Variants in SEMA3A observed in about 807,000 individuals in gnomAD.
SEMA3A encodes the protein semaphorin 3A.
Under a neutral mutation model 97.9 loss-of-function variants are expected in SEMA3A, and 29 were observed. That is an observed-to-expected ratio of 0.30 (90% CI 0.22 to 0.40). SEMA3A has a LOEUF of 0.40. Ranked by LOEUF, SEMA3A falls within the 10% of genes least tolerant of loss-of-function variation. SEMA3A has a pLI of 1.00. For missense variants in SEMA3A, 763 were observed against 951.3 expected (o/e 0.80, Z 2.60); for synonymous variants, 321 against 323.7 (o/e 0.99, Z 0.09).
Position 84,072,338 on chromosome 7 carries a change from A to T in SEMA3A, c.454-11780T>A, listed in dbSNP as rs138280140. On this transcript the variant is annotated intron_variant, in intron 4 of 16. Transcript: ENST00000265362. ...AAATTATCAACTTATTTCTTTGTGG[A>T]ACATAAACTTATTTCTGATTAATGT... is the stretch of plus-strand genomic sequence containing the variant. Among the ~76,000 whole-genome samples, 410 of 152,122 alleles carry T rather than the reference A, an allele frequency of 2.7e-3. 2 individuals are homozygous for T. The highest frequency in any genetic ancestry group is 9.3e-3 in the African/African-American group (387 of 41,502).
intron 4 of SEMA3A, among the ~76,000 whole-genome samples, chr7:84,061,771 TTC>T (rs2091373327): frequency 1.3e-5 from 2 of 152,184 alleles, no homozygotes; most frequent in African/African-American, 4.8e-5. Flanking sequence ...ATTCCAAGTG[TTC>T]TGTTTTTACT....
intron 1 of SEMA3A, among the ~76,000 whole-genome samples, chr7:84,434,454 T>C (rs1298147401): frequency 6.6e-6 from 1 of 152,106 alleles, no homozygotes; most frequent in Non-Finnish European, 1.5e-5. Context: ...CTGGCACCAA[T>C]TCTACTGAAA....
At chr7:84,099,591 T>A (rs1794892085) in intron 4 of SEMA3A, among the ~76,000 whole-genome samples, 3 of 152,124 alleles carry the variant, frequency 2.0e-5, no homozygotes, top group Non-Finnish European at 2.9e-5. Context: ...AAATTAAATG[T>A]GCATGAACCA....
intron 3 of SEMA3A, among the ~76,000 whole-genome samples, chr7:84,251,262 G>T (rs988172211): frequency 1.3e-5 from 2 of 152,172 alleles, no homozygotes; most frequent in Non-Finnish European, 2.9e-5. Context: ...AATGAAAAAT[G>T]TCATTTGTTG....
At chr7:84,429,180 T>G (rs1454632264) in intron 1 of SEMA3A, among the ~76,000 whole-genome samples, 1 of 151,982 alleles carries the variant, frequency 6.6e-6, no homozygotes, top group African/African-American at 2.4e-5. Context: ...TCTACTTTAT[T>G]TATGCCTACA....
At chr7:84,459,404 G>C (rs2527538) in intron 1 of SEMA3A, among the ~76,000 whole-genome samples, 21,623 of 152,064 alleles carry the variant, frequency 0.14, 3,151 homozygotes, top group African/African-American at 0.36. Context: ...AAGTAGTAAC[G>C]ATGAGTTGCA....
At chr7:84,438,474 A>C (rs1355237901) in intron 1 of SEMA3A, among the ~76,000 whole-genome samples, 1 of 152,138 alleles carries the variant, frequency 6.6e-6, no homozygotes, top group African/African-American at 2.4e-5. Context: ...TGGTAGTTAC[A>C]TAGCTAAATT....
chr7:84,065,067 A>G (rs1283894627), intron 4 of SEMA3A, among the ~76,000 whole-genome samples: 2 of 148,544 alleles, frequency 1.3e-5, no homozygotes, highest in Non-Finnish European at 3.0e-5. Context: ...ATAACAAACT[A>G]TCTCTCAGAC....
intron 2 of SEMA3A, among the ~76,000 whole-genome samples, chr7:84,369,657 C>T (rs868273489): frequency 6.6e-6 from 1 of 150,434 alleles, no homozygotes; most frequent in South Asian, 2.1e-4. Flanking sequence ...ATTAGTTGAG[C>T]ATCTAGTATA....
At position 84,120,290 on chromosome 7, in the gene SEMA3A, A is replaced by G. The variant is rs866597463; in HGVS notation, c.333+8833T>C. Among the ~76,000 whole-genome samples the G allele has an allele frequency of 1.6e-4, 25 of 152,280 alleles. 1 individual carries two copies. The highest frequency in any genetic ancestry group is 6.0e-4 in the African/African-American group (25 of 41,590). ...ACTACCTAATTTCTGAAATAAACTT[A>G]ATGACAAAGTTTTATTTGCCATGTA... On this transcript the variant is annotated intron_variant, in intron 3 of 16. Transcript: ENST00000265362.
chr7:84,013,810 A>G (rs2116419927), intron 7 of SEMA3A, among the ~76,000 whole-genome samples: 1 of 152,276 alleles, frequency 6.6e-6, no homozygotes, highest in African/African-American at 2.4e-5. Context: ...TTGCATCACT[A>G]CACTCCAGCC....
intron 3 of SEMA3A, among the ~76,000 whole-genome samples, chr7:84,273,898 G>T (rs890414074): frequency 2.0e-5 from 3 of 151,554 alleles, no homozygotes; most frequent in Non-Finnish European, 4.4e-5. Context: ...CAAATGATTT[G>T]TCTGTCTCAT....
chr7:84,467,446 T>C (rs554808060), intron 1 of SEMA3A, among the ~76,000 whole-genome samples: 31 of 148,160 alleles, frequency 2.1e-4, no homozygotes, highest in African/African-American at 7.7e-4. Flanking sequence ...TGCTTGAACC[T>C]GGGAGATGGA....
intron 4 of SEMA3A, among the ~76,000 whole-genome samples, chr7:84,063,887 A>T (rs9801057): frequency 2.0e-5 from 3 of 148,524 alleles, no homozygotes; most frequent in African/African-American, 5.1e-5. Context: ...TAGCAAGGCA[A>T]GCCAACATTG....
chr7:84,100,334 G>C (rs189558607), intron 4 of SEMA3A, among the ~76,000 whole-genome samples: 3 of 152,194 alleles, frequency 2.0e-5, no homozygotes, highest in East Asian at 1.9e-4. Flanking sequence ...CTATTGTATG[G>C]TGCTGGAATG....
In SEMA3A at chr7:83,993,836, A is replaced by G. The variant is rs201634117; in HGVS notation, c.1452+8119T>C. Among the ~76,000 whole-genome samples, 668 of 133,288 alleles carry G rather than the reference A, an allele frequency of 5.0e-3. 6 individuals carry two copies. Among genetic ancestry groups the G allele is most frequent in the African/African-American group, 0.018 (628 of 34,406 alleles). 87.4% of individuals were successfully genotyped at this position (133,288 alleles called of 152,430 possible). A position where few individuals can be genotyped will look rare whatever the true frequency, so the allele number is the denominator to read the frequency against. On this transcript the variant is annotated intron_variant, in intron 12 of 16. Transcript: ENST00000265362. Reference sequence around the variant, plus strand: ...GAGGAGTATCTTTGTGGCATTCTTTATATTTCCTGAATCTGAACGTTGGCT... The same window carrying G: ...GAGGAGTATCTTTGTGGCATTCTTTGTATTTCCTGAATCTGAACGTTGGCT...
chr7:84,223,302 T>A (rs1798921198), intron 3 of SEMA3A, among the ~76,000 whole-genome samples: 1 of 151,842 alleles, frequency 6.6e-6, no homozygotes, highest in African/African-American at 2.4e-5. Flanking sequence ...TGTGTATGTA[T>A]GTTTGCATGT....
Position 84,046,326 on chromosome 7 carries a change from T to C in SEMA3A, c.665A>G (p.Asn222Ser), listed in dbSNP as rs777139141. Residue 222 changes from asparagine (N) to serine (S), a missense_variant and splice_region_variant, in exon 6 of 17, where the codon AAT becomes AGT. Asn to Ser is a conservative substitution (Grantham distance 46). Coordinates refer to ENST00000265362, the MANE Select transcript of SEMA3A (RefSeq NM_006080.3). ...ATGTTCTTTCATAAACCACCTACCA[T>C]TGAGCCACCTGGAATCATGCTGCTC... is the stretch of plus-strand genomic sequence containing the variant. ...RTEQHDSRWL[N>S]DPKFISAHLI... 1.9e-6 allele frequency: 3 copies of C among 1,612,602 alleles called. No homozygotes were observed. The highest frequency in any genetic ancestry group is 1.7e-6 in the Non-Finnish European group (2 of 1,179,200).
rs11269057 is a variant in SEMA3A at position 84,091,217 on chromosome 7, GA to G, written c.453+19252del. Among the ~76,000 whole-genome samples, 102 of 68,576 alleles carry G rather than the reference GA, an allele frequency of 1.5e-3. 6 individuals are homozygous for G. Among genetic ancestry groups the G allele is most frequent in the Admixed American group, 2.2e-3 (12 of 5,416 alleles). 45.0% of individuals were successfully genotyped at this position (68,576 alleles called of 152,430 possible). ...GAAAGAAAGAAAGAAAGAAAGAAAA[GA>G]AAAGAAAGAAAAGAAAGAAGGAAGG... On this transcript the variant is annotated intron_variant, in intron 4 of 16. Transcript: ENST00000265362.
Sources: gnomAD v4.1 joint callset for allele counts (sites outside exome capture counted in the v4.1 genomes callset) on GRCh38, gnomAD v4.1.1 for gene constraint, MANE v1.5 for transcripts, NCBI Gene and HGNC (gene_info 2026-07-23, HGNC 2026-07-21) for gene names.